The following SGMS1 variants were observed in gnomAD, a reference collection of about 807,000 sequenced individuals.
SGMS1 encodes phosphatidylcholine:ceramide cholinephosphotransferase 1.
A neutral mutation model predicts 46.2 loss-of-function variants in SGMS1; 13 were observed. The ratio of observed to expected loss-of-function variants is 0.28; its 90% CI spans 0.18 to 0.45. The LOEUF is 0.45. Ranked by LOEUF, SGMS1 falls within the 20% of genes least tolerant of loss-of-function variation. The pLI is 1.00. For synonymous variants in SGMS1, 203 were observed against 187.8 expected (o/e 1.08, Z -0.66); for missense variants, 324 against 519.9 (o/e 0.62, Z 3.66).
At chr10:50,562,532 G>A (rs184787946) in intron 2 of SGMS1, among the ~76,000 whole-genome samples, 25 of 152,230 alleles carry the variant, frequency 1.6e-4, no homozygotes, top group African/African-American at 4.6e-4. Flanking sequence ...TTAAATCACA[G>A]GCTAAATATT....
chr10:50,579,437 G>T (rs1838414267), intron 2 of SGMS1, among the ~76,000 whole-genome samples: 1 of 151,656 alleles, frequency 6.6e-6, no homozygotes, highest in African/African-American at 2.4e-5. Flanking sequence ...ACCCCACCAA[G>T]GAATATTATG....
At chr10:50,446,594 G>A (rs1837017703) in intron 5 of SGMS1, among the ~76,000 whole-genome samples, 1 of 152,166 alleles carries the variant, frequency 6.6e-6, no homozygotes, top group Non-Finnish European at 1.5e-5. Context: ...CATGATACAT[G>A]CAGTAAGAGT....
rs539401400 is a variant in SGMS1, at chr10:50,356,415, A to T, written c.-231-12070T>A. ...ATCTCAAGTACCCAGGGACACAAAC[A>T]CTGCGGAAGGCGGAAGGCGGCAGGG... On this transcript the variant is annotated intron_variant, in intron 6 of 10. Coordinates refer to ENST00000361781, the MANE Select transcript of SGMS1 (RefSeq NM_147156.4). Among the ~76,000 whole-genome samples, 3 of 152,328 alleles carry T rather than the reference A, an allele frequency of 2.0e-5. No homozygotes were observed. In the South Asian group the frequency reaches 6.2e-4, roughly 32 times the overall value.
chr10:50,323,054 T>C (rs757141552), intron 8 of SGMS1, among the ~76,000 whole-genome samples: 7 of 152,172 alleles, frequency 4.6e-5, no homozygotes, highest in Non-Finnish European at 1.0e-4. Context: ...TCACTTCCTT[T>C]TCCCAGTGGC....
chr10:50,619,992 G>A (rs1005542581), intron 1 of SGMS1, among the ~76,000 whole-genome samples: 1 of 152,226 alleles, frequency 6.6e-6, no homozygotes, highest in South Asian at 2.1e-4. Context: ...TGTGTGATGT[G>A]TTTATCTGTG....
At chr10:50,423,893 G>T (rs1402604807) in intron 6 of SGMS1, among the ~76,000 whole-genome samples, 1 of 152,208 alleles carries the variant, frequency 6.6e-6, no homozygotes, top group Non-Finnish European at 1.5e-5. Context: ...AGAAAAACAT[G>T]CTCAATTTAA....
intron 1 of SGMS1, among the ~76,000 whole-genome samples, chr10:50,614,780 C>G (rs924108572): frequency 8.1e-4 from 124 of 152,266 alleles, no homozygotes; most frequent in African/African-American, 2.8e-3. Context: ...ACCAACAGTA[C>G]CTACTTCTGT....
At chr10:50,392,165 T>C (rs917639667) in intron 6 of SGMS1, among the ~76,000 whole-genome samples, 4 of 148,336 alleles carry the variant, frequency 2.7e-5, no homozygotes, top group Non-Finnish European at 5.9e-5. Context: ...AACCTGCACA[T>C]GTACTCTGAA....
At chr10:50,327,737 A>T (rs527955585) in intron 7 of SGMS1, among the ~76,000 whole-genome samples, 131 of 152,366 alleles carry the variant, frequency 8.6e-4, no homozygotes, top group African/African-American at 3.0e-3. Context: ...TTAGAATGAG[A>T]ATTTAAAACT....
intron 3 of SGMS1, among the ~76,000 whole-genome samples, chr10:50,479,983 T>G (rs1837461599): frequency 6.6e-6 from 1 of 152,210 alleles, no homozygotes; most frequent in Admixed American, 6.5e-5. Context: ...TAGGAATATT[T>G]TTGTAAAACT....
At chr10:50,400,897 G>A (rs771201697) in intron 6 of SGMS1, among the ~76,000 whole-genome samples, 6 of 152,114 alleles carry the variant, frequency 3.9e-5, no homozygotes, top group Non-Finnish European at 8.8e-5. Context: ...AAGGCCGGAG[G>A]GTTCCTGGGC....
intron 5 of SGMS1, among the ~76,000 whole-genome samples, chr10:50,444,610 G>A (rs1423399917): frequency 2.6e-5 from 4 of 152,024 alleles, no homozygotes; most frequent in African/African-American, 4.8e-5. Flanking sequence ...ATTACTTAGA[G>A]CTGAGAGTGG....
intron 3 of SGMS1, among the ~76,000 whole-genome samples, chr10:50,489,836 T>A (rs191931372): frequency 3.9e-5 from 6 of 152,212 alleles, no homozygotes; most frequent in Non-Finnish European, 7.4e-5. Context: ...TAGCTGGGCG[T>A]GGTGGCAGGT....
chr10:50,477,581 T>G lies in SGMS1; in HGVS notation c.-497-10649A>C, dbSNP rs565208239. Among the ~76,000 whole-genome samples the G allele has an allele frequency of 9.9e-5, 15 of 152,284 alleles. No individual in the cohort carries two copies. The South Asian group carries it at 3.1e-3, about 32-fold the overall frequency. Reference sequence around the variant, plus strand: ...GATTCGGGAGGAGCCAGGGGCAGAATGATATGCTTTGGCTATGTGTCCCCA... The same window carrying G: ...GATTCGGGAGGAGCCAGGGGCAGAAGGATATGCTTTGGCTATGTGTCCCCA... On this transcript the variant is annotated intron_variant, in intron 3 of 10. Transcript: ENST00000361781.
intron 6 of SGMS1, among the ~76,000 whole-genome samples, chr10:50,344,936 G>T (rs1223882687): frequency 6.6e-6 from 1 of 151,952 alleles, no homozygotes; most frequent in Non-Finnish European, 1.5e-5. Flanking sequence ...CAGTGCTTTG[G>T]ACACTTTTCA....
At chr10:50,522,863 C>T (rs1837868272) in intron 2 of SGMS1, among the ~76,000 whole-genome samples, 1 of 152,146 alleles carries the variant, frequency 6.6e-6, no homozygotes. Flanking sequence ...CTGTTCTTAG[C>T]CTAGTAGCAG....
At chr10:50,521,156 T>C (rs1837853947) in intron 2 of SGMS1, among the ~76,000 whole-genome samples, 1 of 152,126 alleles carries the variant, frequency 6.6e-6, no homozygotes, top group Non-Finnish European at 1.5e-5. Context: ...AGGTATGAAC[T>C]ACCATAACTG....
At chr10:50,558,525 G>A (rs1381168240) in intron 2 of SGMS1, among the ~76,000 whole-genome samples, 2 of 152,150 alleles carry the variant, frequency 1.3e-5, no homozygotes, top group African/African-American at 4.8e-5. Flanking sequence ...CCTGATTAAT[G>A]GCAGGGCTGG....
intron 6 of SGMS1, among the ~76,000 whole-genome samples, chr10:50,377,858 T>C (rs1848541666): frequency 6.6e-6 from 1 of 152,182 alleles, no homozygotes. Context: ...GCCACATCAC[T>C]CCTATCTCTG....
Sources: gnomAD v4.1 joint callset for allele counts (sites outside exome capture counted in the v4.1 genomes callset) on GRCh38, gnomAD v4.1.1 for gene constraint, MANE v1.5 for transcripts, NCBI Gene and HGNC (gene_info 2026-07-23, HGNC 2026-07-21) for gene names.